The following VPS8 variants were observed in gnomAD, a reference collection of about 807,000 sequenced individuals.
VPS8 encodes the protein vacuolar protein sorting-associated protein 8 homolog.
A neutral mutation model predicts 216.4 loss-of-function variants in VPS8; 129 were observed. That is an observed-to-expected ratio of 0.60 (90% CI 0.52 to 0.69). VPS8 has a LOEUF of 0.69. Among genes scored for constraint, VPS8 ranks in the 30% least tolerant of loss-of-function variants. The pLI, the probability that VPS8 is intolerant of heterozygous loss-of-function variation, is 0.00. For synonymous variants in VPS8, 571 were observed against 565.4 expected (o/e 1.01, Z -0.14); for missense variants, 1,531 against 1,683.5 (o/e 0.91, Z 1.59).
At chr3:184,915,267 C>G (rs529150272) in intron 27 of VPS8, 88 bp from the exon 28 acceptor site, 322 of 1,492,256 alleles carry the variant, frequency 2.2e-4, no homozygotes, top group Admixed American at 3.4e-4. Flanking sequence ...ATTCAGCCTG[C>G]CTTTATTTTA....
At chr3:184,919,228 T>C (rs1192186275) in intron 28 of VPS8, 1 of 152,230 alleles carries the variant, frequency 6.6e-6, no homozygotes, top group Non-Finnish European at 1.5e-5. Flanking sequence ...AATTCCTTTT[T>C]ATTTTTAGTC....
At chr3:184,988,151 A>G (rs1751392435) in intron 42 of VPS8, among the ~76,000 whole-genome samples, 1 of 152,228 alleles carries the variant, frequency 6.6e-6, no homozygotes, top group Admixed American at 6.5e-5. Flanking sequence ...TTCACACAGC[A>G]GAAGTGTTTG....
At chr3:184,994,358 G>T (rs1752333660) in intron 43 of VPS8, among the ~76,000 whole-genome samples, 2 of 152,016 alleles carry the variant, frequency 1.3e-5, no homozygotes, top group South Asian at 4.1e-4. Context: ...AAAAAAATTA[G>T]CTGGGCATGG....
intron 21 of VPS8, among the ~76,000 whole-genome samples, chr3:184,873,573 TAAATG>T (rs1436775281): frequency 6.6e-6 from 1 of 152,168 alleles, no homozygotes; most frequent in African/African-American, 2.4e-5. Flanking sequence ...ACAAAGCTAA[TAAATG>T]AGAGAGCTAG....
chr3:184,930,602 TG>T (rs1371840778), intron 34 of VPS8, 34 bp downstream of exon 34: 1 of 1,489,546 alleles, frequency 6.7e-7, no homozygotes, highest in African/African-American at 1.4e-5. Flanking sequence ...CTTCACCATC[TG>T]AACGATCATC....
At chr3:184,955,718 C>T (rs1745475693) in intron 36 of VPS8, among the ~76,000 whole-genome samples, 1 of 152,112 alleles carries the variant, frequency 6.6e-6, no homozygotes, top group Non-Finnish European at 1.5e-5. Flanking sequence ...TGAAGGCAGT[C>T]CAATGTACTG....
intron 8 of VPS8, among the ~76,000 whole-genome samples, chr3:184,845,495 C>G (rs1290737353): frequency 2.0e-5 from 3 of 152,176 alleles, no homozygotes; most frequent in Admixed American, 1.3e-4. Flanking sequence ...CACAGTGGCT[C>G]AAGCCTGTAA....
intron 3 of VPS8, among the ~76,000 whole-genome samples, chr3:184,829,235 CAA>C (rs1043459594): frequency 3.9e-5 from 6 of 151,942 alleles, no homozygotes; most frequent in African/African-American, 1.5e-4. Flanking sequence ...TTTTTTGAGA[CAA>C]GAGTCTCACT....
At chr3:184,926,021 C>T (rs540697328) in intron 30 of VPS8, among the ~76,000 whole-genome samples, 33 of 151,004 alleles carry the variant, frequency 2.2e-4, no homozygotes, top group African/African-American at 8.0e-4. Context: ...GTGATCCGCC[C>T]TCCTCGGCCT....
In VPS8 at chr3:185,012,983, A is replaced by ACAGG. The variant is rs1294983121; in HGVS notation, c.4003-11353_4003-11352insCAGG. 6.0e-3 allele frequency among the ~76,000 whole-genome samples: 899 copies of ACAGG among 150,898 alleles called. 8 individuals are homozygous for ACAGG. Among genetic ancestry groups the ACAGG allele is most frequent in the African/African-American group, 0.021 (839 of 40,228 alleles). On this transcript the variant is annotated intron_variant, in intron 45 of 47. Transcript: ENST00000625842. ...AAAGCATTTCCTACGGGAAATAACT[A>ACAGG]AAAGCATTTCCTACAGGAAATAAAG...
At chr3:184,850,105 A>G in intron 10 of VPS8, 83 bp downstream of exon 10, 1 of 1,112,570 alleles carries the variant, frequency 9.0e-7, no homozygotes, top group Non-Finnish European at 1.3e-6. Flanking sequence ...TATGTTGATG[A>G]TCAGAGTCCA....
chr3:185,020,686 G>T (rs953102331), intron 45 of VPS8, among the ~76,000 whole-genome samples: 2 of 152,042 alleles, frequency 1.3e-5, no homozygotes, highest in African/African-American at 2.4e-5. Context: ...ACCCAGACTG[G>T]TCTCAAATTC....
chr3:184,910,579 T>C (rs934875420), intron 25 of VPS8, among the ~76,000 whole-genome samples: 2 of 152,250 alleles, frequency 1.3e-5, no homozygotes, highest in African/African-American at 2.4e-5. Context: ...TTTTCCTGCA[T>C]GGTGGTTTAG....
intron 25 of VPS8, among the ~76,000 whole-genome samples, chr3:184,901,994 A>G (rs1734572524): frequency 1.3e-5 from 2 of 152,080 alleles, no homozygotes; most frequent in Admixed American, 6.5e-5. Context: ...CTAATGAGTA[A>G]TGGTATTTCA....
chr3:184,915,782 G>A (rs932161718), intron 28 of VPS8, among the ~76,000 whole-genome samples: 5 of 152,120 alleles, frequency 3.3e-5, no homozygotes, highest in African/African-American at 9.7e-5. Context: ...GCACTCCAGC[G>A]TGGGCTACAG....
chr3:184,844,437 A>G (rs567776488), intron 8 of VPS8, among the ~76,000 whole-genome samples: 1 of 152,190 alleles, frequency 6.6e-6, no homozygotes, highest in South Asian at 2.1e-4. Flanking sequence ...TAAATAAATA[A>G]AAAATAAAAA....
At chr3:184,873,472 C>G (rs1320792320) in intron 21 of VPS8, among the ~76,000 whole-genome samples, 1 of 152,030 alleles carries the variant, frequency 6.6e-6, no homozygotes, top group East Asian at 1.9e-4. Context: ...TCATTTAATT[C>G]TTATCATAAC....
chr3:184,963,006 T>A (rs1746790744), intron 37 of VPS8, among the ~76,000 whole-genome samples: 1 of 152,120 alleles, frequency 6.6e-6, no homozygotes, highest in African/African-American at 2.4e-5. Flanking sequence ...TATACATGAC[T>A]CTGTGGGTTC....
At chr3:185,020,888 A>G (rs1256901148) in intron 45 of VPS8, among the ~76,000 whole-genome samples, 1 of 152,190 alleles carries the variant, frequency 6.6e-6, no homozygotes, top group Non-Finnish European at 1.5e-5. Context: ...GCTGACCAAC[A>G]TGGTGAAACC....
Sources: allele counts gnomAD v4.1 joint callset (sites outside exome capture counted in the v4.1 genomes callset), GRCh38; gene constraint gnomAD v4.1.1; transcripts MANE v1.5; gene names NCBI Gene and HGNC (gene_info 2026-07-23, HGNC 2026-07-21).